Variants in NEBL observed in about 807,000 individuals in gnomAD.
NEBL encodes LIM and SH3 protein 2.
Under a neutral mutation model 140.2 loss-of-function variants are expected in NEBL, and 122 were observed. The observed-to-expected ratio is 0.87, with a 90% CI of 0.75 to 1.01. NEBL has a LOEUF of 1.01. Ranked by LOEUF, NEBL falls within the 50% of genes least tolerant of loss-of-function variation. NEBL has a pLI of 0.00. For synonymous variants in NEBL, 436 were observed against 398.9 expected, an observed-to-expected ratio of 1.09 and a Z score of -1.11; for missense variants, 1,365 against 1,231.3, an observed-to-expected ratio of 1.11 and a Z score of -1.62.
At chr10:21,018,015 T>C (rs1388457683) in intron 3 of NEBL, among the ~76,000 whole-genome samples, 2 of 152,000 alleles carry the variant, frequency 1.3e-5, no homozygotes, top group Non-Finnish European at 2.9e-5. Flanking sequence ...AGGGATGAGG[T>C]TTCACCATGT....
In NEBL at chr10:20,927,258, C is replaced by T. The variant is rs1300807964; in HGVS notation, c.357+34414G>A. Among the ~76,000 whole-genome samples the T allele has an allele frequency of 3.9e-5, 6 of 152,250 alleles. No individual in the cohort carries two copies. In the East Asian group the frequency reaches 5.8e-4, roughly 15 times the overall value. On this transcript the variant is annotated intron_variant, in intron 4 of 6. Coordinates refer to the NEBL transcript ENST00000417816. ...GCAGATGCCCACAGAACATCATAGC[C>T]GACTATGAACTTCAACCCTTTAAAA...
chr10:20,933,843 T>A (rs1246157243), intron 4 of NEBL, among the ~76,000 whole-genome samples: 1 of 152,206 alleles, frequency 6.6e-6, no homozygotes. Context: ...CACTCAGTTC[T>A]AGTTCTCAAG....
intron 4 of NEBL, among the ~76,000 whole-genome samples, chr10:20,948,377 T>C (rs1002451736): frequency 2.6e-5 from 4 of 152,242 alleles, no homozygotes; most frequent in South Asian, 2.1e-4. Context: ...TATTTCATTA[T>C]ACCCATGACA....
At chr10:20,995,024 A>C (rs568479799) in intron 3 of NEBL, among the ~76,000 whole-genome samples, 151 of 152,320 alleles carry the variant, frequency 9.9e-4, no homozygotes, top group African/African-American at 3.5e-3. Context: ...GTAACTAAAA[A>C]TGCTTACAAA....
chr10:20,826,604 T>C lies in NEBL; in HGVS notation c.1777-65A>G, dbSNP rs184898909. The C allele has an allele frequency of 1.1e-4, 132 of 1,223,280 alleles. 1 individual carries two copies. The highest frequency in any genetic ancestry group is 1.5e-4 in the Non-Finnish European group (128 of 835,216). The allele number at this position is 1,223,280 out of a possible 1,614,324, so 75.8% of individuals were successfully genotyped here. A position where few individuals can be genotyped will look rare whatever the true frequency, so the allele number is the denominator to read the frequency against. ...AGAATTCAAGTCCTAGATCCGCTTC[T>C]TAGAAAGACAATTTCTCAGGTTTTA... On this transcript the variant is annotated intron_variant, in intron 17 of 27. Transcript: ENST00000377122.
chr10:21,161,785 CA>C (rs1240640650), intron 2 of NEBL, among the ~76,000 whole-genome samples: 1 of 152,120 alleles, frequency 6.6e-6, no homozygotes, highest in Admixed American at 6.5e-5. Context: ...TTGATGGCGA[CA>C]GTGTGAAGCA....
At position 21,088,777 on chromosome 10, in the gene NEBL, C is replaced by T. The variant is rs529107049; in HGVS notation, c.165-68576G>A. Among the ~76,000 whole-genome samples the T allele has an allele frequency of 2.0e-5, 3 of 152,316 alleles. 1 individual carries two copies. The South Asian group carries it at 6.2e-4, about 32-fold the overall frequency. On this transcript the variant is annotated intron_variant, in intron 2 of 6. Coordinates refer to the NEBL transcript ENST00000417816. Reference sequence around the variant, plus strand: ...ACTCCAACATTCTGGACAACCACTACCAACTGGCAGAGGCCAGCAACTAAG... The same window carrying T: ...ACTCCAACATTCTGGACAACCACTATCAACTGGCAGAGGCCAGCAACTAAG...
intron 3 of NEBL, among the ~76,000 whole-genome samples, chr10:21,191,472 T>C (rs1383158789): frequency 6.6e-6 from 1 of 152,196 alleles, no homozygotes; most frequent in Non-Finnish European, 1.5e-5. Context: ...GAGCCTTCTT[T>C]ATAGTACATG....
chr10:20,974,760 T>G (rs1043758019), intron 3 of NEBL, among the ~76,000 whole-genome samples: 1 of 152,176 alleles, frequency 6.6e-6, no homozygotes, highest in Non-Finnish European at 1.5e-5. Flanking sequence ...TAAAATGACC[T>G]GTAAAATAAC....
chr10:20,868,573 A>C, intron 7 of NEBL, 91 bp downstream of exon 7: 1 of 911,714 alleles, frequency 1.1e-6, no homozygotes, highest in Non-Finnish European at 1.9e-6. Context: ...TCTTGCAATT[A>C]AAGATATTAT....
chr10:20,837,123 A>G (rs1021912495), intron 13 of NEBL, among the ~76,000 whole-genome samples: 2 of 151,958 alleles, frequency 1.3e-5, no homozygotes, highest in African/African-American at 2.4e-5. Context: ...CTTTAAGTCA[A>G]AAGCTAGAAA....
At chr10:21,103,380 A>AT (rs1371624051) in intron 2 of NEBL, among the ~76,000 whole-genome samples, 1 of 151,832 alleles carries the variant, frequency 6.6e-6, no homozygotes, top group Non-Finnish European at 1.5e-5. Context: ...TGCCCGGCTA[A>AT]TTTTTTGTAT....
At chr10:21,249,192 C>A (rs1245816953) in intron 2 of NEBL, among the ~76,000 whole-genome samples, 1 of 152,018 alleles carries the variant, frequency 6.6e-6, no homozygotes, top group Admixed American at 6.6e-5. Context: ...CATACCCAGC[C>A]CCATTTTTTA....
At chr10:21,149,268 G>T (rs751007700) in intron 2 of NEBL, among the ~76,000 whole-genome samples, 2 of 152,044 alleles carry the variant, frequency 1.3e-5, no homozygotes, top group Non-Finnish European at 2.9e-5. Flanking sequence ...GCACCTCGTC[G>T]TCGGTATCCT....
At chr10:21,271,347 G>T (rs750824146) in intron 1 of NEBL, among the ~76,000 whole-genome samples, 1 of 152,144 alleles carries the variant, frequency 6.6e-6, no homozygotes, top group Admixed American at 6.6e-5. Flanking sequence ...ACTCCTGGAA[G>T]TAGAGAGTAG....
intron 4 of NEBL, among the ~76,000 whole-genome samples, chr10:20,943,444 T>C (rs903905582): frequency 5.3e-5 from 8 of 151,830 alleles, no homozygotes; most frequent in Non-Finnish European, 7.4e-5. Flanking sequence ...CTGTGGTGGG[T>C]TGGGGAGAGT....
upstream of NEBL, chr10:20,899,364 C>A: frequency 2.3e-6 from 3 of 1,297,130 alleles, no homozygotes; most frequent in Middle Eastern, 2.1e-4. Flanking sequence ...CACCTATTCC[C>A]CAAGGTGAAT....
At chr10:21,067,815 A>G (rs1438628536) in intron 2 of NEBL, among the ~76,000 whole-genome samples, 1 of 151,238 alleles carries the variant, frequency 6.6e-6, no homozygotes, top group Non-Finnish European at 1.5e-5. Context: ...TGTCTCTACC[A>G]AAAAAAAATT....
chr10:21,244,813 T>C (rs1353255285), intron 3 of NEBL, among the ~76,000 whole-genome samples: 1 of 149,484 alleles, frequency 6.7e-6, no homozygotes, highest in African/African-American at 2.5e-5. Context: ...AAGTTCAAGT[T>C]CAGCCTGAGC....
Sources: allele counts gnomAD v4.1 joint callset (sites outside exome capture counted in the v4.1 genomes callset), GRCh38; gene constraint gnomAD v4.1.1; transcripts MANE v1.5; gene names NCBI Gene and HGNC (gene_info 2026-07-23, HGNC 2026-07-21).